LYAR: variants seen among roughly 807,000 people sequenced by gnomAD.
LYAR encodes the protein cell growth-regulating nucleolar protein.
Under a neutral mutation model 45.2 loss-of-function variants are expected in LYAR, and 37 were observed. The ratio of observed to expected loss-of-function variants is 0.82; its 90% CI spans 0.63 to 1.08. The LOEUF (loss-of-function observed/expected upper bound fraction) is 1.08. LYAR is among the 50% of genes least tolerant of loss of function. The pLI is 0.00. For missense variants in LYAR, 493 were observed against 451.0 expected, an observed-to-expected ratio of 1.09 and a Z score of -0.84; for synonymous variants, 176 against 155.1, an observed-to-expected ratio of 1.14 and a Z score of -1.00.
chr4:4,287,293 C>G (rs1030192234), intron 1 of LYAR, among the ~76,000 whole-genome samples: 14 of 152,326 alleles, frequency 9.2e-5, no homozygotes, highest in African/African-American at 3.4e-4. Context: ...TGAGAGCATA[C>G]TTCGGTTCTT....
intron 4 of LYAR, among the ~76,000 whole-genome samples, chr4:4,280,149 T>C (rs1006325910): frequency 1.1e-4 from 16 of 152,148 alleles, no homozygotes; most frequent in African/African-American, 3.4e-4. Context: ...GAAAGAGAAA[T>C]TAAGAAAACA....
At chr4:4,268,498 G>T in intron 9 of LYAR, 32 bp downstream of exon 9, 1 of 1,373,240 alleles carries the variant, frequency 7.3e-7, no homozygotes, top group Non-Finnish European at 1.0e-6. Context: ...CTCCCCAGCT[G>T]TTAGACACGT....
chr4:4,278,596 C>T (rs114962064), intron 6 of LYAR, among the ~76,000 whole-genome samples: 2 of 152,172 alleles, frequency 1.3e-5, no homozygotes, highest in Non-Finnish European at 2.9e-5. Flanking sequence ...CAGAGGAACA[C>T]CTAGTCACTA....
chr4:4,268,787 A>G lies in LYAR; in HGVS notation c.920-172T>C, dbSNP rs7660997. The G allele has an allele frequency of 9.7e-3, 5,309 of 548,860 alleles. 218 individuals carry two copies. Among genetic ancestry groups the G allele is most frequent in the African/African-American group, 0.089 (4,674 of 52,482 alleles). 34.0% of individuals were successfully genotyped at this position (548,860 alleles called of 1,614,324 possible). ...CAATTCCAATGTCCTAGAAGCACTC[A>G]CTACCCTTCAAAGGACTGGCTCTTA... On this transcript the variant is annotated intron_variant, in intron 8 of 9. Transcript: ENST00000343470.
intron 1 of LYAR, chr4:4,289,493 G>A (rs577569186): frequency 1.3e-5 from 2 of 152,180 alleles, no homozygotes; most frequent in Admixed American, 6.5e-5. Flanking sequence ...CCCTCTCATA[G>A]GAGGTTAACA....
Position 4,273,743 on chromosome 4 carries a change from A to G in LYAR, c.833-74T>C, listed in dbSNP as rs551488588. On this transcript the variant is annotated intron_variant, in intron 7 of 9. Transcript: ENST00000343470. ...AGCAGCTACCATTTAATGAGACCTT[A>G]TGCGAGCTAGGCAAACTCCACGTAT... 1.7e-5 allele frequency: 14 copies of G among 842,472 alleles called. No homozygotes were observed. The South Asian group carries it at 1.7e-4, about 10-fold the overall frequency. The allele number at this position is 842,472 out of a possible 1,614,324, so 52.2% of individuals were successfully genotyped here.
At chr4:4,275,710 T>G (rs1719150549) in intron 6 of LYAR, among the ~76,000 whole-genome samples, 1 of 70,794 alleles carries the variant, frequency 1.4e-5, no homozygotes, top group Non-Finnish European at 2.9e-5. Context: ...TTTATGTATT[T>G]TTTTTGGGAC....
At chr4:4,286,804 G>A (rs576025959) in intron 1 of LYAR, among the ~76,000 whole-genome samples, 5 of 151,890 alleles carry the variant, frequency 3.3e-5, no homozygotes, top group East Asian at 3.9e-4. Flanking sequence ...CCGCCACCAC[G>A]CCCAGCTTAT....
At chr4:4,271,174 C>G (rs1718917056) in intron 8 of LYAR, among the ~76,000 whole-genome samples, 2 of 152,282 alleles carry the variant, frequency 1.3e-5, no homozygotes, top group South Asian at 2.1e-4. Context: ...ACCACCCTTT[C>G]CAGTCTCTGG....
At chr4:4,282,098 T>TA (rs766020918) in intron 3 of LYAR, among the ~76,000 whole-genome samples, 4 of 152,188 alleles carry the variant, frequency 2.6e-5, no homozygotes, top group Non-Finnish European at 5.9e-5. Context: ...GTCGTCAATA[T>TA]AAAACCCATC....
chr4:4,271,491 C>T (rs980231079), intron 8 of LYAR, among the ~76,000 whole-genome samples: 10 of 152,182 alleles, frequency 6.6e-5, no homozygotes, highest in African/African-American at 1.7e-4. Context: ...GCAGGTATCT[C>T]TTCAACACAG....
chr4:4,285,074 G>A (rs1006343987), intron 2 of LYAR, among the ~76,000 whole-genome samples: 1 of 152,146 alleles, frequency 6.6e-6, no homozygotes, highest in African/African-American at 2.4e-5. Flanking sequence ...GCATCTCCAG[G>A]GTTCACAAAG....
Position 4,279,701 on chromosome 4 carries a change from C to A in LYAR, c.286G>T (p.Glu96Ter). ...KRPNVSPKVRELLEQISAFDN... is the reference protein window; with the variant it reads ...KRPNVSPKVR ...AAAGCACTAATTTGCTCTAAAAGTT[C>A]TCTCACTTTGGGGCTGACATTGGGT... Residue 96 changes from glutamate to a stop codon, truncating the protein, a stop_gained, in exon 5 of 10, where the codon GAA becomes TAA. Transcript: ENST00000343470. LOFTEE classifies it high-confidence loss of function. 6.2e-6 allele frequency: 10 copies of A among 1,613,994 alleles called. No individual in the cohort carries two copies. Among genetic ancestry groups the A allele is most frequent in the Non-Finnish European group, 8.5e-6 (10 of 1,179,948 alleles).
chr4:4,274,309 C>T, intron 7 of LYAR, 58 bp downstream of exon 7: 1 of 1,555,544 alleles, frequency 6.4e-7, no homozygotes, highest in East Asian at 2.3e-5. Context: ...TTAAATATCC[C>T]AAATTCACAG....
At chr4:4,278,481 T>C (rs935137501) in intron 6 of LYAR, among the ~76,000 whole-genome samples, 1 of 152,226 alleles carries the variant, frequency 6.6e-6, no homozygotes, top group African/African-American at 2.4e-5. Flanking sequence ...ATTTAATTAC[T>C]TGAAGGGAAT....
At chr4:4,289,748 C>T (rs1375033107) in intron 1 of LYAR, 2 of 152,300 alleles carry the variant, frequency 1.3e-5, no homozygotes, top group Middle Eastern at 3.1e-3. Context: ...AGCCCTGTCT[C>T]CAACATGCAG....
At chr4:4,269,410 G>A (rs1372757156) in intron 8 of LYAR, among the ~76,000 whole-genome samples, 1 of 152,188 alleles carries the variant, frequency 6.6e-6, no homozygotes, top group African/African-American at 2.4e-5. Flanking sequence ...AAGCCGAGTG[G>A]CGAGCCTGAG....
At chr4:4,273,745 GC>G in intron 7 of LYAR, 76 bp from the exon 8 acceptor site, 3 of 806,776 alleles carry the variant, frequency 3.7e-6, no homozygotes, top group Non-Finnish European at 6.3e-6. Context: ...GAGACCTTAT[GC>G]GAGCTAGGCA....
In LYAR at chr4:4,283,772, C is replaced by G. The variant is rs1287406681; in HGVS notation, c.-30G>C. The G allele has an allele frequency of 6.3e-7, 1 of 1,581,838 alleles. No individual in the cohort carries two copies. The highest frequency in any genetic ancestry group is 1.3e-5 in the African/African-American group (1 of 74,424). ...AGGTAAATGGCTAAATATTCTCTAT[C>G]CAAGACAGGTTTTAAGTCTTGTCCT... On this transcript the variant is annotated 5_prime_UTR_variant, in exon 3 of 10. Coordinates refer to ENST00000343470, the MANE Select transcript of LYAR (RefSeq NM_017816.3).
Sources: allele counts gnomAD v4.1 joint callset (sites outside exome capture counted in the v4.1 genomes callset), GRCh38; gene constraint gnomAD v4.1.1; transcripts MANE v1.5; gene names NCBI Gene and HGNC (gene_info 2026-07-23, HGNC 2026-07-21).